C10orf90: variants seen among roughly 807,000 people sequenced by gnomAD.
C10orf90 encodes (E2-independent) E3 ubiquitin-conjugating enzyme FATS.
Under a neutral mutation model 62.5 loss-of-function variants are expected in C10orf90, and 56 were observed. That is an observed-to-expected ratio of 0.90 (90% confidence interval 0.72 to 1.12). C10orf90 has a LOEUF of 1.12. C10orf90 is among the 50% of genes most tolerant of loss of function. The pLI is 0.00. For synonymous variants in C10orf90, 386 were observed against 340.4 expected (o/e 1.13, Z -1.47); for missense variants, 970 against 880.4 (o/e 1.10, Z -1.29).
intron 7 of C10orf90, among the ~76,000 whole-genome samples, chr10:126,440,210 G>A (rs965704093): frequency 4.6e-5 from 7 of 152,150 alleles, no homozygotes; most frequent in Non-Finnish European, 8.8e-5. Flanking sequence ...GTGCTATTAC[G>A]GAGTGCAACC....
At chr10:126,503,019 T>G (rs984465844) in intron 4 of C10orf90, among the ~76,000 whole-genome samples, 11 of 152,238 alleles carry the variant, frequency 7.2e-5, no homozygotes, top group Non-Finnish European at 1.0e-4. Context: ...AAAGCTTTAA[T>G]GAATAAAAGT....
chr10:126,521,712 AT>A (rs956437840), intron 2 of C10orf90, among the ~76,000 whole-genome samples: 2 of 152,186 alleles, frequency 1.3e-5, no homozygotes, highest in African/African-American at 4.8e-5. Context: ...CTTGTTACCA[AT>A]TTTTTTACAA....
chr10:126,559,065 T>C (rs1864842947), intron 2 of C10orf90, among the ~76,000 whole-genome samples: 1 of 152,256 alleles, frequency 6.6e-6, no homozygotes, highest in Admixed American at 6.5e-5. Context: ...TAGTAATTTA[T>C]AGGGAACATT....
intron 4 of C10orf90, among the ~76,000 whole-genome samples, chr10:126,497,315 T>C (rs1357251940): frequency 6.7e-6 from 1 of 149,872 alleles, no homozygotes; most frequent in South Asian, 2.1e-4. Context: ...AGGTGAAGAG[T>C]AAACAACGCA....
intron 2 of C10orf90, among the ~76,000 whole-genome samples, chr10:126,530,672 G>A (rs1864068255): frequency 6.6e-6 from 1 of 152,084 alleles, no homozygotes; most frequent in Non-Finnish European, 1.5e-5. Flanking sequence ...AGAATGAGAA[G>A]GAAGAAACCA....
intron 4 of C10orf90, among the ~76,000 whole-genome samples, chr10:126,469,452 C>T (rs181465449): frequency 3.4e-4 from 52 of 152,296 alleles, no homozygotes; most frequent in Admixed American, 1.6e-3. Flanking sequence ...GTAAACCACA[C>T]ATTTCCTCCA....
At chr10:126,606,404 C>T (rs1363395585) in intron 2 of C10orf90, among the ~76,000 whole-genome samples, 1 of 152,180 alleles carries the variant, frequency 6.6e-6, no homozygotes, top group African/African-American at 2.4e-5. Flanking sequence ...TGTTGGGCTA[C>T]TGCACATTGG....
intron 2 of C10orf90, among the ~76,000 whole-genome samples, chr10:126,584,701 G>T (rs901446737): frequency 6.6e-6 from 1 of 152,170 alleles, no homozygotes; most frequent in Non-Finnish European, 1.5e-5. Flanking sequence ...GAATCCCACT[G>T]ATTTGAGAGG....
chr10:126,588,972 G>A (rs1204386042), intron 2 of C10orf90, among the ~76,000 whole-genome samples: 1 of 152,156 alleles, frequency 6.6e-6, no homozygotes, highest in African/African-American at 2.4e-5. Flanking sequence ...AAACAATACA[G>A]GAGCTGATAA....
chr10:126,659,259 C>T (rs1439312308), intron 1 of C10orf90, among the ~76,000 whole-genome samples: 2 of 152,198 alleles, frequency 1.3e-5, no homozygotes, highest in African/African-American at 4.8e-5. Context: ...CACTGAGAAG[C>T]TGGCAGTTTC....
At chr10:126,642,612 C>T (rs1191920654) in intron 2 of C10orf90, among the ~76,000 whole-genome samples, 1 of 152,118 alleles carries the variant, frequency 6.6e-6, no homozygotes, top group Non-Finnish European at 1.5e-5. Context: ...CATGTGGCTC[C>T]TCCTGGTTTT....
intron 2 of C10orf90, among the ~76,000 whole-genome samples, chr10:126,626,259 C>T (rs1357127473): frequency 6.6e-6 from 1 of 152,154 alleles, no homozygotes; most frequent in Non-Finnish European, 1.5e-5. Context: ...GCCTCCACTG[C>T]TCTGTCCACC....
intron 1 of C10orf90, among the ~76,000 whole-genome samples, chr10:126,669,019 T>G (rs532988499): frequency 6.6e-6 from 1 of 152,226 alleles, no homozygotes; most frequent in Non-Finnish European, 1.5e-5. Context: ...TGCATAATAA[T>G]GTAATTCAAC....
intron 4 of C10orf90, among the ~76,000 whole-genome samples, chr10:126,482,009 T>C (rs1861187711): frequency 6.6e-6 from 1 of 152,198 alleles, no homozygotes; most frequent in South Asian, 2.1e-4. Flanking sequence ...GAACAGACAG[T>C]CCTTACTAGG....
intron 2 of C10orf90, among the ~76,000 whole-genome samples, chr10:126,551,837 T>C (rs954490141): frequency 2.6e-5 from 4 of 152,210 alleles, no homozygotes; most frequent in Admixed American, 2.0e-4. Flanking sequence ...AATAACAAAG[T>C]AGCAGCTATG....
intron 8 of C10orf90, among the ~76,000 whole-genome samples, chr10:126,428,723 A>C (rs1439744234): frequency 1.3e-5 from 2 of 151,964 alleles, no homozygotes; most frequent in African/African-American, 4.8e-5. Context: ...GGAGGGGAGG[A>C]TTTGGCTGAA....
At chr10:126,477,935 G>T (rs1162657882) in intron 4 of C10orf90, among the ~76,000 whole-genome samples, 1 of 152,210 alleles carries the variant, frequency 6.6e-6, no homozygotes, top group Non-Finnish European at 1.5e-5. Context: ...GTCATCAGCT[G>T]CTCAGAATCC....
chr10:126,628,047 A>G (rs1488364544), intron 2 of C10orf90, among the ~76,000 whole-genome samples: 1 of 152,242 alleles, frequency 6.6e-6, no homozygotes, highest in African/African-American at 2.4e-5. Flanking sequence ...TACCCAAACT[A>G]TAAAGTAGAC....
chr10:126,466,521 C>T (rs1470578691), intron 4 of C10orf90, among the ~76,000 whole-genome samples: 1 of 152,154 alleles, frequency 6.6e-6, no homozygotes, highest in African/African-American at 2.4e-5. Flanking sequence ...TCCTGGAGTG[C>T]CCCCTGCTCC....
Sources: allele counts gnomAD v4.1 joint callset (sites outside exome capture counted in the v4.1 genomes callset), GRCh38; gene constraint gnomAD v4.1.1; transcripts MANE v1.5; gene names NCBI Gene and HGNC (gene_info 2026-07-23, HGNC 2026-07-21).